Variants in STAT5A observed in about 807,000 individuals in gnomAD.
STAT5A encodes signal transducer and activator of transcription 5A.
A neutral mutation model predicts 100.2 loss-of-function variants in STAT5A; 26 were observed. That is an observed-to-expected ratio of 0.26 (90% CI 0.19 to 0.36). The LOEUF is 0.36. Ranked by LOEUF, STAT5A falls within the 10% of genes least tolerant of loss-of-function variation. STAT5A has a pLI of 1.00. For synonymous variants in STAT5A, 330 were observed against 424.3 expected, an observed-to-expected ratio of 0.78 and a Z score of 2.73; for missense variants, 634 against 1,027.5, an observed-to-expected ratio of 0.62 and a Z score of 5.24.
chr17:42,300,914 C>T (rs1429450415), intron 8 of STAT5A, 44 bp downstream of exon 8: 5 of 1,609,596 alleles, frequency 3.1e-6, no homozygotes, highest in Middle Eastern at 1.8e-4. Flanking sequence ...TGGGGCAGCT[C>T]CTGCCTGCGT....
chr17:42,299,773 G>T lies in STAT5A; in HGVS notation c.573G>T (p.Gln191His). Residue 191 changes from glutamine to histidine, a missense_variant, in exon 6 of 19, where the codon CAG becomes CAT. Physicochemically the swap from Gln to His is conservative, Grantham distance 24 (BLOSUM62 0). Coordinates refer to ENST00000590949, the MANE Select transcript of STAT5A (RefSeq NM_001288718.2). ...RIQAQFAQLA[Q>H]LSPQERLSRE... ...TAGCTCAGTTTGCCCAGCTGGCCCA[G>T]CTGAGCCCCCAGGAGCGTCTGAGCC... is the stretch of plus-strand genomic sequence containing the variant. 6.2e-7 allele frequency: 1 copy of T among 1,614,224 alleles called. No individual in the cohort carries two copies. Among genetic ancestry groups the T allele is most frequent in the Non-Finnish European group, 8.5e-7 (1 of 1,180,030 alleles).
At chr17:42,309,803 C>A in intron 18 of STAT5A, 1 of 262,500 alleles carries the variant, frequency 3.8e-6, no homozygotes, top group South Asian at 7.4e-5. Flanking sequence ...GTGGGTGAAG[C>A]ATTTCCACAG....
In STAT5A at chr17:42,300,666, T is replaced by G. The variant is rs772464050; in HGVS notation, c.834-49T>G. 1.2e-5 allele frequency: 19 copies of G among 1,613,652 alleles called. No homozygotes were observed. The Admixed American group carries it at 3.2e-4, about 27-fold the overall frequency. The stretch of plus-strand genomic sequence containing the variant: ...GAGCTGTGTCTTGGGGCCTGGCGTC[T>G]GTGAGGAGAAGCCATTGTCCTCCTG... On this transcript the variant is annotated intron_variant, in intron 7 of 18. Coordinates refer to ENST00000590949, the MANE Select transcript of STAT5A (RefSeq NM_001288718.2).
Position 42,289,966 on chromosome 17 carries a change from G to A in STAT5A, c.229G>A (p.Gly77Arg). The stretch of plus-strand genomic sequence containing the variant: ...GCAGAAGAAGGCGGAGCACCAGGTG[G>A]GGGAAGATGGGTTTTTACTGAAGAT... Reference protein sequence around the residue: ...ELQKKAEHQVGEDGFLLKIKL... With the variant: ...ELQKKAEHQVREDGFLLKIKL... Residue 77 changes from glycine to arginine, a missense_variant, in exon 3 of 19, where the codon GGG (glycine) becomes AGG (arginine). This residue lies in a region of STAT5A where 207 missense variants were observed against 256.6 expected (regional missense o/e 0.81). Transcript: ENST00000590949. 6.2e-7 allele frequency: 1 copy of A among 1,612,236 alleles called. No individual in the cohort carries two copies. Among genetic ancestry groups the A allele is most frequent in the Non-Finnish European group, 8.5e-7 (1 of 1,179,384 alleles).
rs765716621 is a variant in STAT5A, at chr17:42,309,422, C to T, written c.2160C>T (p.Tyr720=). Reference sequence around the variant, plus strand: ...ATGCTGGGGGCAGCAGCGCCACGTACATGGACCAGGCCCCCTCCCCAGCTG... The same window carrying T: ...ATGCTGGGGGCAGCAGCGCCACGTATATGGACCAGGCCCCCTCCCCAGCTG... ...SADAGGSSAT[Y]MDQAPSPAVC... is the part of the protein sequence containing the mutation. The change falls in exon 18 of 19, where the codon TAC becomes TAT. Residue 720 remains tyrosine, a synonymous_variant. Coordinates refer to ENST00000590949, the MANE Select transcript of STAT5A (RefSeq NM_001288718.2). 6 of 1,613,556 alleles carry T rather than the reference C, an allele frequency of 3.7e-6. No homozygotes were observed. The highest frequency in any genetic ancestry group is 5.1e-6 in the Non-Finnish European group (6 of 1,180,006).
chr17:42,287,852 G>C (rs916050021), upstream of STAT5A: 1 of 152,222 alleles, frequency 6.6e-6, no homozygotes, highest in Non-Finnish European at 1.5e-5. Context: ...CAGTTCCTCC[G>C]TCAGGGTTGA....
At chr17:42,294,390 T>G (rs1471506820) in intron 4 of STAT5A, among the ~76,000 whole-genome samples, 1 of 152,156 alleles carries the variant, frequency 6.6e-6, no homozygotes, top group African/African-American at 2.4e-5. Flanking sequence ...AGCTCATTCC[T>G]TCCTCCAACC....
At chr17:42,300,081 C>A (rs927548430) in intron 6 of STAT5A, 49 bp from the exon 7 acceptor site, 2 of 1,197,146 alleles carry the variant, frequency 1.7e-6, no homozygotes, top group Non-Finnish European at 2.3e-6. Flanking sequence ...CGAGGCCCTG[C>A]GGTGTTCTCT....
intron 3 of STAT5A, among the ~76,000 whole-genome samples, chr17:42,291,171 G>A (rs1275115828): frequency 6.6e-6 from 1 of 152,256 alleles, no homozygotes; most frequent in Admixed American, 6.5e-5. Flanking sequence ...TCCCTCGCAT[G>A]TGCAGTTCAC....
chr17:42,305,962 G>A (rs1275241094), intron 12 of STAT5A, among the ~76,000 whole-genome samples: 1 of 152,174 alleles, frequency 6.6e-6, no homozygotes, highest in Non-Finnish European at 1.5e-5. Flanking sequence ...TCCTCCTTTG[G>A]CAGATGGCTT....
At position 42,289,530 on chromosome 17, in the gene STAT5A, G is replaced by T. The variant is rs1027517302; in HGVS notation, c.119G>T (p.Ser40Ile). The T allele has an allele frequency of 1.2e-6, 2 of 1,612,908 alleles. No homozygotes were observed. Among genetic ancestry groups the T allele is most frequent in the Middle Eastern group, 1.7e-4 (1 of 6,058 alleles). Residue 40 changes from serine to isoleucine, a missense_variant, in exon 2 of 19, where the codon AGC becomes ATC. By Grantham distance (142) the Ser-to-Ile change is moderately radical. Coordinates refer to ENST00000590949, the MANE Select transcript of STAT5A (RefSeq NM_001288718.2). ...CACTACTTGGCCCAGTGGATTGAGAGCCAGCCATGGTAGGCACGTCCCGCC... is the reference window on the plus strand; with the variant it reads ...CACTACTTGGCCCAGTGGATTGAGATCCAGCCATGGTAGGCACGTCCCGCC... ...VRHYLAQWIE[S>I]QPWDAIDLDN...
At chr17:42,307,897 G>A (rs562569741) in intron 15 of STAT5A, among the ~76,000 whole-genome samples, 174 bp downstream of exon 15, 2 of 152,260 alleles carry the variant, frequency 1.3e-5, no homozygotes, top group Middle Eastern at 3.4e-3. Context: ...CCATTTTGGA[G>A]AACCTGAAGT....
In STAT5A at chr17:42,304,660, C is replaced by T; in HGVS notation, c.1380+8C>T. 1 of 1,613,862 alleles carries T rather than the reference C, an allele frequency of 6.2e-7. No individual in the cohort carries two copies. Among genetic ancestry groups the T allele is most frequent in the Non-Finnish European group, 8.5e-7 (1 of 1,179,872 alleles). ...CTTGTGTTCCAGGTGAAGGTGAGACCCCCAGCCCTCCTGCCCCCACTGCTC... is the reference window on the plus strand; with the variant it reads ...CTTGTGTTCCAGGTGAAGGTGAGACTCCCAGCCCTCCTGCCCCCACTGCTC... On this transcript the variant is annotated splice_region_variant and intron_variant, in intron 11 of 18. Coordinates refer to ENST00000590949, the MANE Select transcript of STAT5A (RefSeq NM_001288718.2). This position sits in a 1 kb window ranked among gnomAD's most constrained non-coding sequence, Gnocchi z 4.8.
chr17:42,289,198 C>T lies in STAT5A; in HGVS notation c.-10-204C>T, dbSNP rs75810635. On this transcript the variant is annotated intron_variant, in intron 1 of 18. Transcript: ENST00000590949. ...CTGCCTCTGCAGAGCACCTTCCCCT[C>T]CCCTTCAGCGGGTTCCTTGTTGGAG... 2,227 of 505,158 alleles carry T rather than the reference C, an allele frequency of 4.4e-3. 81 individuals are homozygous for T. In the East Asian group the frequency reaches 0.062, roughly 14 times the overall value. 31.3% of individuals were successfully genotyped at this position (505,158 alleles called of 1,614,324 possible). A position where few individuals can be genotyped will look rare whatever the true frequency, so the allele number is the denominator to read the frequency against.
Position 42,306,384 on chromosome 17 carries a change from C to T in STAT5A, c.1617C>T (p.Asn539=). 1 of 1,614,170 alleles carries T rather than the reference C, an allele frequency of 6.2e-7. No individual in the cohort carries two copies. Among genetic ancestry groups the T allele is most frequent in the Non-Finnish European group, 8.5e-7 (1 of 1,180,026 alleles). ...NLVFLAQKLF[N]NSSSHLEDYS... ...TGTTCCTGGCGCAGAAACTGTTCAACAACAGCAGCAGCCACCTGGAGGACT... is the reference window on the plus strand; with the variant it reads ...TGTTCCTGGCGCAGAAACTGTTCAATAACAGCAGCAGCCACCTGGAGGACT... The change falls in exon 13 of 19, where the codon AAC becomes AAT. Residue 539 remains asparagine, a synonymous_variant. Transcript: ENST00000590949.
chr17:42,306,166 C>G, intron 12 of STAT5A, 75 bp from the exon 13 acceptor site: 3 of 1,608,410 alleles, frequency 1.9e-6, no homozygotes, highest in Non-Finnish European at 2.6e-6. Flanking sequence ...CTCTAGGTGT[C>G]TGTGTATCTT....
intron 9 of STAT5A, among the ~76,000 whole-genome samples, chr17:42,303,781 A>T (rs185969496): frequency 6.6e-6 from 1 of 152,112 alleles, no homozygotes; most frequent in Non-Finnish European, 1.5e-5. Context: ...AGGAAAGGTC[A>T]GCTTGGTAAG....
intron 5 of STAT5A, among the ~76,000 whole-genome samples, chr17:42,297,360 A>G (rs1313340895): frequency 2.0e-5 from 3 of 152,162 alleles, no homozygotes; most frequent in Admixed American, 6.5e-5. Context: ...ATTCCTACCC[A>G]AGTCCTTAGA....
intron 4 of STAT5A, among the ~76,000 whole-genome samples, chr17:42,294,576 C>A (rs1180536887): frequency 6.6e-6 from 1 of 152,214 alleles, no homozygotes; most frequent in Non-Finnish European, 1.5e-5. Flanking sequence ...TGAATTGGCT[C>A]GTCAGAGATG....
Sources: gnomAD v4.1 joint callset for allele counts (sites outside exome capture counted in the v4.1 genomes callset) on GRCh38, gnomAD v4.1.1 for gene constraint, gnomAD v4.1.1 regional missense constraint, Gnocchi (gnomAD v3.1) non-coding constraint, MANE v1.5 for transcripts, NCBI Gene and HGNC (gene_info 2026-07-23, HGNC 2026-07-21) for gene names.